TMEFF2: variants seen among roughly 807,000 people sequenced by gnomAD.
TMEFF2 encodes the protein tomoregulin-2.
A neutral mutation model predicts 53.8 loss-of-function variants in TMEFF2; 28 were observed. The ratio of observed to expected loss-of-function variants is 0.52; its 90% CI spans 0.39 to 0.71. The LOEUF (loss-of-function observed/expected upper bound fraction) is 0.71, where lower values mean the gene tolerates loss of function less well. TMEFF2 is among the 30% of genes least tolerant of loss of function. The probability of loss-of-function intolerance (pLI) is 0.00; values close to 1 mark genes in which losing one functional copy is unlikely to be tolerated. For missense variants in TMEFF2, 353 were observed against 455.2 expected, an observed-to-expected ratio of 0.78 and a Z score of 2.04; for synonymous variants, 162 against 166.3, an observed-to-expected ratio of 0.97 and a Z score of 0.20.
At position 191,971,354 on chromosome 2, in the gene TMEFF2, G is replaced by A. The variant is rs747456006; in HGVS notation, c.746-14976C>T. On this transcript the variant is annotated intron_variant, in intron 7 of 9. Coordinates refer to ENST00000272771, the MANE Select transcript of TMEFF2 (RefSeq NM_016192.4). ...ATGTACAAATTTGAATTTGGAGAGA[G>A]TCAAACTTCTATCTTGTTCCTAGAA... Among the ~76,000 whole-genome samples, 93 of 152,308 alleles carry A rather than the reference G, an allele frequency of 6.1e-4. 1 individual carries two copies. Among genetic ancestry groups the A allele is most frequent in the Non-Finnish European group, 1.1e-3 (74 of 68,022 alleles).
chr2:192,084,223 G>C (rs191115564), intron 4 of TMEFF2, among the ~76,000 whole-genome samples: 1 of 152,076 alleles, frequency 6.6e-6, no homozygotes, highest in African/African-American at 2.4e-5. Context: ...GATTTGGAAG[G>C]CTGATTTTTT....
intron 4 of TMEFF2, among the ~76,000 whole-genome samples, chr2:192,075,646 C>G (rs1574350608): frequency 6.6e-6 from 1 of 151,624 alleles, no homozygotes; most frequent in African/African-American, 2.4e-5. Context: ...TCTGCCATTG[C>G]CTTGATATTT....
chr2:192,107,359 A>G (rs1472571295), intron 4 of TMEFF2, among the ~76,000 whole-genome samples: 2 of 151,708 alleles, frequency 1.3e-5, no homozygotes, highest in African/African-American at 2.4e-5. Flanking sequence ...GAAAATTTCC[A>G]GAGCTTCCTT....
intron 5 of TMEFF2, among the ~76,000 whole-genome samples, chr2:192,013,595 G>A (rs1686680313): frequency 1.3e-5 from 2 of 151,770 alleles, no homozygotes; most frequent in Admixed American, 6.6e-5. Context: ...AATTACAGGC[G>A]CCCACCACCA....
At chr2:192,020,251 T>C (rs973716032) in intron 5 of TMEFF2, among the ~76,000 whole-genome samples, 1 of 152,126 alleles carries the variant, frequency 6.6e-6, no homozygotes, top group Non-Finnish European at 1.5e-5. Flanking sequence ...ATCTTACATA[T>C]GTTAATTCTC....
chr2:192,058,939 ATTTAG>A, intron 4 of TMEFF2, among the ~76,000 whole-genome samples: 1 of 152,000 alleles, frequency 6.6e-6, no homozygotes, highest in South Asian at 2.1e-4. Flanking sequence ...AATCTTACTT[ATTTAG>A]TTTTAATATG....
At chr2:192,009,431 T>C (rs1223521306) in intron 5 of TMEFF2, among the ~76,000 whole-genome samples, 2 of 152,166 alleles carry the variant, frequency 1.3e-5, no homozygotes, top group African/African-American at 4.8e-5. Context: ...TGTAACATGT[T>C]ATTTCCCAAT....
chr2:192,128,583 CTATTT>C (rs1248150276), intron 4 of TMEFF2, among the ~76,000 whole-genome samples: 1 of 152,162 alleles, frequency 6.6e-6, no homozygotes, highest in Non-Finnish European at 1.5e-5. Context: ...CAAACAGTAT[CTATTT>C]TAATTCTTGT....
intron 5 of TMEFF2, among the ~76,000 whole-genome samples, chr2:192,015,434 T>C (rs188575012): frequency 1.4e-5 from 2 of 145,204 alleles, no homozygotes; most frequent in African/African-American, 5.0e-5. Context: ...CCCTTTAAAA[T>C]AATTTATGAT....
rs569910230 is a variant in TMEFF2 at position 192,134,471 on chromosome 2, G to A, written c.439+45197C>T. Among the ~76,000 whole-genome samples the A allele has an allele frequency of 2.5e-4, 38 of 152,226 alleles. 1 individual carries two copies. In the South Asian group the frequency reaches 4.1e-3, roughly 17 times the overall value. On this transcript the variant is annotated intron_variant, in intron 4 of 9. Coordinates refer to ENST00000272771, the MANE Select transcript of TMEFF2 (RefSeq NM_016192.4). ...ATGCTATAATACAAGCCACTAGCCC[G>A]CCTCTTAGAACCTCTCATTTCCTTT...
At chr2:191,961,868 A>G (rs1692283462) in intron 7 of TMEFF2, among the ~76,000 whole-genome samples, 1 of 152,174 alleles carries the variant, frequency 6.6e-6, no homozygotes, top group African/African-American at 2.4e-5. Flanking sequence ...CAGATTCCAC[A>G]ATAACCTCAC....
chr2:191,958,851 A>G (rs1447698066), intron 7 of TMEFF2, among the ~76,000 whole-genome samples: 1 of 152,238 alleles, frequency 6.6e-6, no homozygotes, highest in Non-Finnish European at 1.5e-5. Context: ...AATCATCAAT[A>G]TATGTCAACA....
chr2:192,153,625 T>C (rs1339655923), intron 4 of TMEFF2, among the ~76,000 whole-genome samples: 1 of 151,926 alleles, frequency 6.6e-6, no homozygotes, highest in Non-Finnish European at 1.5e-5. Flanking sequence ...CAACTCATGA[T>C]GGGTAATATC....
intron 7 of TMEFF2, among the ~76,000 whole-genome samples, chr2:191,970,583 G>A (rs919512573): frequency 2.6e-5 from 4 of 152,184 alleles, no homozygotes; most frequent in African/African-American, 9.7e-5. Context: ...GAGAGAAAGT[G>A]TGGCCTTTCT....
chr2:191,978,716 T>C (rs2105812387), intron 7 of TMEFF2, among the ~76,000 whole-genome samples: 1 of 152,322 alleles, frequency 6.6e-6, no homozygotes, highest in Admixed American at 6.5e-5. Flanking sequence ...AATGAAATTG[T>C]GGTGCAGGCA....
chr2:192,110,410 A>T (rs1689246325), intron 4 of TMEFF2, among the ~76,000 whole-genome samples: 1 of 152,196 alleles, frequency 6.6e-6, no homozygotes, highest in Non-Finnish European at 1.5e-5. Flanking sequence ...GAGTGATGGC[A>T]ACTAGTGTGC....
chr2:191,968,521 G>A (rs1251724218), intron 7 of TMEFF2, among the ~76,000 whole-genome samples: 1 of 152,156 alleles, frequency 6.6e-6, no homozygotes, highest in South Asian at 2.1e-4. Context: ...CAGGCCTTAC[G>A]GACATAGAAC....
chr2:192,081,422 A>T (rs1688550049), intron 4 of TMEFF2, among the ~76,000 whole-genome samples: 1 of 152,192 alleles, frequency 6.6e-6, no homozygotes, highest in African/African-American at 2.4e-5. Context: ...CAGCCTTATT[A>T]ATTCTAATTT....
intron 5 of TMEFF2, among the ~76,000 whole-genome samples, chr2:192,023,437 C>G (rs1417583115): frequency 6.6e-6 from 1 of 152,114 alleles, no homozygotes; most frequent in African/African-American, 2.4e-5. Context: ...GAGGTGACAA[C>G]TCATGGGAAA....
Sources: gnomAD v4.1 joint callset for allele counts (sites outside exome capture counted in the v4.1 genomes callset) on GRCh38, gnomAD v4.1.1 for gene constraint, MANE v1.5 for transcripts, NCBI Gene and HGNC (gene_info 2026-07-23, HGNC 2026-07-21) for gene names.